The following CLVS1 variants were observed in gnomAD, a reference collection of about 807,000 sequenced individuals.
CLVS1 encodes clavesin-1.
A neutral mutation model predicts 33.1 loss-of-function variants in CLVS1; 10 were observed. That is an observed-to-expected ratio of 0.30 (90% CI 0.19 to 0.51). CLVS1 has a LOEUF of 0.51. CLVS1 is among the 20% of genes least tolerant of loss of function. CLVS1 has a pLI of 0.97. For missense variants in CLVS1, 343 were observed against 433.4 expected, an observed-to-expected ratio of 0.79 and a Z score of 1.85; for synonymous variants, 163 against 166.1, an observed-to-expected ratio of 0.98 and a Z score of 0.14.
chr8:61,324,030 A>G (rs758208069), intron 2 of CLVS1, among the ~76,000 whole-genome samples: 9 of 152,144 alleles, frequency 5.9e-5, no homozygotes, highest in Non-Finnish European at 1.3e-4. Context: ...CATTTTCTTC[A>G]TCCAGTCTAT....
intron 2 of CLVS1, among the ~76,000 whole-genome samples, chr8:61,208,355 G>T (rs1807900990): frequency 6.6e-6 from 1 of 152,122 alleles, no homozygotes; most frequent in African/African-American, 2.4e-5. Flanking sequence ...TGAAGAAAGG[G>T]CTCTGACAAA....
chr8:61,353,023 G>C (rs1343440999), intron 2 of CLVS1, among the ~76,000 whole-genome samples: 1 of 152,002 alleles, frequency 6.6e-6, no homozygotes, highest in South Asian at 2.1e-4. Context: ...AGAGATGACT[G>C]TTTCTTAAAT....
intron 2 of CLVS1, among the ~76,000 whole-genome samples, chr8:61,342,337 G>T (rs1231360713): frequency 1.3e-5 from 2 of 152,180 alleles, no homozygotes; most frequent in Non-Finnish European, 2.9e-5. Flanking sequence ...CTGAAAAGGG[G>T]GGATGGTAAT....
chr8:61,142,963 G>A (rs1419773881), intron 2 of CLVS1, among the ~76,000 whole-genome samples: 4 of 152,158 alleles, frequency 2.6e-5, no homozygotes, highest in African/African-American at 9.7e-5. Flanking sequence ...CCTATTGAAG[G>A]AAGCAAATTA....
At chr8:61,385,338 A>G (rs1280304063) in intron 3 of CLVS1, among the ~76,000 whole-genome samples, 2 of 152,194 alleles carry the variant, frequency 1.3e-5, no homozygotes, top group Non-Finnish European at 2.9e-5. Context: ...TTCTGAATAC[A>G]CTATGTAATA....
intron 2 of CLVS1, among the ~76,000 whole-genome samples, chr8:61,146,294 T>C (rs1806413049): frequency 6.6e-6 from 1 of 152,246 alleles, no homozygotes; most frequent in African/African-American, 2.4e-5. Context: ...AGCATAAACC[T>C]ATGAACCTAA....
intron 2 of CLVS1, among the ~76,000 whole-genome samples, chr8:61,220,962 C>T (rs148707504): frequency 2.1e-4 from 32 of 152,166 alleles, no homozygotes; most frequent in African/African-American, 7.7e-4. Context: ...AATGGGAATT[C>T]GTTCATGATT....
chr8:61,316,905 T>C (rs1811029079), intron 2 of CLVS1, among the ~76,000 whole-genome samples: 1 of 152,184 alleles, frequency 6.6e-6, no homozygotes, highest in African/African-American at 2.4e-5. Flanking sequence ...TAATAGTATC[T>C]ACCTCTAAGG....
At chr8:61,226,435 C>CA (rs1486837208) in intron 2 of CLVS1, among the ~76,000 whole-genome samples, 1 of 152,180 alleles carries the variant, frequency 6.6e-6, no homozygotes. Flanking sequence ...AAAATTAAAA[C>CA]AAACTTTTCA....
intron 1 of CLVS1, among the ~76,000 whole-genome samples, chr8:61,096,052 T>TA (rs1805346017): frequency 6.6e-6 from 1 of 152,238 alleles, no homozygotes; most frequent in African/African-American, 2.4e-5. Context: ...CTTGATTGGC[T>TA]ATGACCTTGA....
At chr8:61,481,157 T>G (rs1375586321) in intron 5 of CLVS1, among the ~76,000 whole-genome samples, 2 of 152,156 alleles carry the variant, frequency 1.3e-5, no homozygotes, top group African/African-American at 4.8e-5. Context: ...AGTTACTGAC[T>G]AATATGAGCT....
intron 2 of CLVS1, among the ~76,000 whole-genome samples, chr8:61,156,602 A>G (rs1806655092): frequency 6.6e-6 from 1 of 152,104 alleles, no homozygotes; most frequent in East Asian, 1.9e-4. Context: ...TTCCATTACC[A>G]AGCACTCAAT....
At chr8:61,304,350 C>T (rs987262084) in intron 2 of CLVS1, among the ~76,000 whole-genome samples, 2 of 152,240 alleles carry the variant, frequency 1.3e-5, no homozygotes, top group Non-Finnish European at 2.9e-5. Context: ...GAGGCATAGG[C>T]AGTGCCTGGG....
At chr8:61,391,178 A>G (rs1326156106) in intron 3 of CLVS1, 1 of 152,266 alleles carries the variant, frequency 6.6e-6, no homozygotes, top group Non-Finnish European at 1.5e-5. Context: ...CAGTGATGCC[A>G]GAGCTAGTTA....
intron 2 of CLVS1, among the ~76,000 whole-genome samples, chr8:61,302,704 C>T (rs1810480084): frequency 6.6e-6 from 1 of 152,118 alleles, no homozygotes; most frequent in South Asian, 2.1e-4. Context: ...TTGTATTAGT[C>T]CATTCTTGCA....
intron 5 of CLVS1, among the ~76,000 whole-genome samples, chr8:61,496,414 A>G (rs546703324): frequency 3.2e-4 from 48 of 152,006 alleles, no homozygotes; most frequent in Non-Finnish European, 5.6e-4. Flanking sequence ...GTTTGTTTTA[A>G]TGCCTCTGGA....
intron 2 of CLVS1, among the ~76,000 whole-genome samples, chr8:61,184,615 G>A (rs1336733260): frequency 2.0e-5 from 3 of 152,256 alleles, no homozygotes; most frequent in East Asian, 3.9e-4. Context: ...GAGAGAAAAC[G>A]GTAGGCTGGA....
At chr8:61,082,013 C>G (rs1805028131) in intron 1 of CLVS1, among the ~76,000 whole-genome samples, 1 of 152,152 alleles carries the variant, frequency 6.6e-6, no homozygotes. Context: ...TTGGAATTAT[C>G]ACAGTGGAAA....
At chr8:61,310,021 G>T (rs1193460518) in intron 2 of CLVS1, among the ~76,000 whole-genome samples, 1 of 152,132 alleles carries the variant, frequency 6.6e-6, no homozygotes, top group African/African-American at 2.4e-5. Flanking sequence ...ATGTATCCAT[G>T]GTGAATATTG....
Sources: allele counts gnomAD v4.1 joint callset (sites outside exome capture counted in the v4.1 genomes callset), GRCh38; gene constraint gnomAD v4.1.1; transcripts MANE v1.5; gene names NCBI Gene and HGNC (gene_info 2026-07-23, HGNC 2026-07-21).